NXPE2: variants seen among roughly 807,000 people sequenced by gnomAD.
The protein encoded by NXPE2 is NXPE family member 2.
NXPE2 carries 34 observed loss-of-function variants against 34.4 expected under a neutral mutation model. The observed-to-expected ratio is 0.99, with a 90% confidence interval of 0.75 to 1.31. The LOEUF (loss-of-function observed/expected upper bound fraction) is 1.31. NXPE2 is among the 40% of genes most tolerant of loss of function. NXPE2 has a pLI of 0.00. For synonymous variants in NXPE2, 235 were observed against 231.3 expected (o/e 1.02, Z -0.15); for missense variants, 649 against 672.5 (o/e 0.97, Z 0.39).
the NXPE2 span, among the ~76,000 whole-genome samples, chr11:114,718,068 C>A: frequency 6.6e-6 from 1 of 152,090 alleles, no homozygotes; most frequent in South Asian, 2.1e-4. Context: ...TATAGAGCAA[C>A]TCAATATATA....
the NXPE2 span, among the ~76,000 whole-genome samples, chr11:114,604,667 G>A: frequency 1.3e-5 from 2 of 152,132 alleles, no homozygotes; most frequent in East Asian, 3.9e-4. Context: ...AATAAATATT[G>A]CCTCGTGGGT....
chr11:114,609,740 C>T, the NXPE2 span, among the ~76,000 whole-genome samples: 3 of 151,718 alleles, frequency 2.0e-5, no homozygotes, highest in Non-Finnish European at 2.9e-5. Context: ...TCATGGATAA[C>T]CACTGTTACC....
the NXPE2 span, chr11:114,521,735 T>A: frequency 0.023 from 10,271 of 441,874 alleles, 176 homozygotes; most frequent in Non-Finnish European, 0.032. Context: ...AAAACTTTTT[T>A]AATATTTTAA....
chr11:114,570,909 A>T, the NXPE2 span: 1 of 1,493,742 alleles, frequency 6.7e-7, no homozygotes, highest in Admixed American at 1.9e-5. Context: ...TTTTTACTTA[A>T]GTGAATGAAT....
chr11:114,549,057 AT>A, the NXPE2 span, among the ~76,000 whole-genome samples: 1 of 151,954 alleles, frequency 6.6e-6, no homozygotes, highest in Non-Finnish European at 1.5e-5. Context: ...GATAAAATGG[AT>A]AACTCAGAAA....
the NXPE2 span, chr11:114,583,814 T>G: frequency 2.3e-6 from 1 of 428,814 alleles, no homozygotes; most frequent in Non-Finnish European, 4.5e-6. Context: ...AGAGGCCTTC[T>G]ATATTACAGG....
At chr11:114,643,970 G>T in the NXPE2 span, among the ~76,000 whole-genome samples, 1 of 151,992 alleles carries the variant, frequency 6.6e-6, no homozygotes, top group Non-Finnish European at 1.5e-5. Flanking sequence ...CCTTGAAGAG[G>T]TCCTTCATAT....
the NXPE2 span, among the ~76,000 whole-genome samples, chr11:114,629,697 A>G: frequency 6.6e-6 from 1 of 152,030 alleles, no homozygotes; most frequent in Non-Finnish European, 1.5e-5. Context: ...AAGGGAATAA[A>G]GGGTATTCAA....
At chr11:114,749,113 C>T in the NXPE2 span, among the ~76,000 whole-genome samples, 1 of 152,140 alleles carries the variant, frequency 6.6e-6, no homozygotes, top group South Asian at 2.1e-4. Context: ...TCCAAAGAGT[C>T]CTGGTTCCTT....
chr11:114,691,812 G>A (rs1311268971), intron 2 of NXPE2, among the ~76,000 whole-genome samples: 1 of 151,128 alleles, frequency 6.6e-6, no homozygotes, highest in Non-Finnish European at 1.5e-5. Context: ...AGTGCTGAGG[G>A]TTAGATCTCC....
the NXPE2 span, among the ~76,000 whole-genome samples, chr11:114,500,740 T>A: frequency 9.8e-4 from 150 of 152,290 alleles, no homozygotes; most frequent in African/African-American, 3.4e-3. Context: ...TTGTGCTTGA[T>A]CCCATCATTC....
At chr11:114,519,564 G>A in the NXPE2 span, among the ~76,000 whole-genome samples, 60 of 152,004 alleles carry the variant, frequency 3.9e-4, no homozygotes, top group Non-Finnish European at 8.1e-4. Flanking sequence ...ATTCTTTCCC[G>A]GGGTGTCAGG....
chr11:114,479,306 C>T, the NXPE2 span, among the ~76,000 whole-genome samples: 1 of 151,938 alleles, frequency 6.6e-6, no homozygotes, highest in African/African-American at 2.4e-5. Context: ...AAGGATGGGG[C>T]AAGAATGGTT....
chr11:114,559,887 C>T, the NXPE2 span: 58,163 of 152,012 alleles, frequency 0.38, 11,478 homozygotes, highest in East Asian at 0.65. Flanking sequence ...TGTTTTTGTT[C>T]CTTGTCTGTG....
chr11:114,638,232 A>T, the NXPE2 span, among the ~76,000 whole-genome samples: 4 of 151,972 alleles, frequency 2.6e-5, no homozygotes, highest in African/African-American at 9.7e-5. Flanking sequence ...CATCACTGAT[A>T]CACTTTCTTC....
At chr11:114,737,806 G>A in the NXPE2 span, among the ~76,000 whole-genome samples, 1 of 152,130 alleles carries the variant, frequency 6.6e-6, no homozygotes, top group South Asian at 2.1e-4. Flanking sequence ...GGAGAGGCTG[G>A]GCGCAGTGGC....
At chr11:114,484,283 C>A in the NXPE2 span, among the ~76,000 whole-genome samples, 7 of 152,208 alleles carry the variant, frequency 4.6e-5, no homozygotes, top group Non-Finnish European at 1.5e-5. Flanking sequence ...AAATTCAAGT[C>A]CCCTCTTTGC....
the NXPE2 span, among the ~76,000 whole-genome samples, chr11:114,731,041 T>A: frequency 7.5e-6 from 1 of 133,882 alleles, no homozygotes; most frequent in Non-Finnish European, 1.6e-5. Flanking sequence ...TTGTCATAGA[T>A]GGCTGTTATT....
At chr11:114,708,727 C>T (rs746524383), downstream of NXPE2, among the ~76,000 whole-genome samples, 40 of 152,132 alleles carry the variant, frequency 2.6e-4, no homozygotes, top group Non-Finnish European at 5.0e-4. Flanking sequence ...AGGGAACTCA[C>T]GTTAGAAATT....
Sources: gnomAD v4.1 joint callset for allele counts (sites outside exome capture counted in the v4.1 genomes callset) on GRCh38, gnomAD v4.1.1 for gene constraint, MANE v1.5 for transcripts, NCBI Gene and HGNC (gene_info 2026-07-23, HGNC 2026-07-21) for gene names.